SOX6: variants seen among roughly 807,000 people sequenced by gnomAD.
The protein encoded by SOX6 is SRY-box transcription factor 6.
In SOX6, 11 loss-of-function variants were observed where a neutral mutation model predicts 97.8. The ratio of observed to expected loss-of-function variants is 0.11; its 90% CI spans 0.07 to 0.19. The LOEUF is 0.19. SOX6 is among the 10% of genes least tolerant of loss of function. The pLI is 1.00. For synonymous variants in SOX6, 360 were observed against 371.4 expected (o/e 0.97, Z 0.35); for missense variants, 810 against 1,039.5 (o/e 0.78, Z 3.04).
intron 4 of SOX6, among the ~76,000 whole-genome samples, chr11:16,573,388 T>C (rs562116999): frequency 6.6e-6 from 1 of 152,324 alleles, no homozygotes; most frequent in Admixed American, 6.5e-5. Flanking sequence ...TGTTATGCAC[T>C]TAAGAAGGCC....
intron 3 of SOX6, among the ~76,000 whole-genome samples, chr11:16,699,225 C>T (rs956021179): frequency 5.9e-5 from 9 of 152,090 alleles, no homozygotes; most frequent in African/African-American, 2.2e-4. Flanking sequence ...TTTGTCTTCA[C>T]AATAGTCTTA....
chr11:16,309,089 A>C (rs1324236506), intron 3 of SOX6, among the ~76,000 whole-genome samples: 1 of 152,234 alleles, frequency 6.6e-6, no homozygotes, highest in Admixed American at 6.5e-5. Context: ...TTGCAGCAGC[A>C]ACTTCTTTGT....
intron 15 of SOX6, among the ~76,000 whole-genome samples, chr11:15,983,968 T>A (rs572184322): frequency 6.7e-4 from 102 of 152,304 alleles, no homozygotes; most frequent in African/African-American, 2.4e-3. Context: ...CATAGGGCTA[T>A]GAGGCATATT....
intron 1 of SOX6, 73 bp from the exon 2 acceptor site, chr11:16,341,325 T>C: frequency 6.3e-7 from 1 of 1,576,036 alleles, no homozygotes; most frequent in South Asian, 1.2e-5. Flanking sequence ...TGCATTTGGC[T>C]AGTTCAGGAA....
chr11:16,663,205 A>G (rs1432625527), intron 3 of SOX6, among the ~76,000 whole-genome samples: 2 of 152,240 alleles, frequency 1.3e-5, no homozygotes, highest in Non-Finnish European at 2.9e-5. Flanking sequence ...CACCAATTCT[A>G]TTCAATGTAG....
At position 16,556,860 on chromosome 11, in the gene SOX6, A is replaced by G. The variant is rs118185372; in HGVS notation, n.609+55221T>C. Among the ~76,000 whole-genome samples the G allele has an allele frequency of 7.7e-3, 1,163 of 151,924 alleles. 10 individuals are homozygous for G. Among genetic ancestry groups the G allele is most frequent in the Admixed American group, 0.015 (231 of 15,232 alleles). On this transcript the variant is annotated intron_variant and non_coding_transcript_variant, in intron 4 of 5. Coordinates refer to the SOX6 transcript ENST00000524520. The stretch of plus-strand genomic sequence containing the variant: ...AACGTAACGATTTATAGCCCAATTC[A>G]TAGGTCTTAGCTGATAATACCTCTG...
At chr11:16,122,888 T>C (rs186228541) in intron 6 of SOX6, among the ~76,000 whole-genome samples, 1 of 152,244 alleles carries the variant, frequency 6.6e-6, no homozygotes, top group Admixed American at 6.6e-5. Flanking sequence ...CAAAGTCCAT[T>C]CATCATTTAC....
rs562281562 is a variant in SOX6, at chr11:16,348,748, A to C, written c.-5+7346T>G. Among the ~76,000 whole-genome samples the C allele has an allele frequency of 7.8e-4, 119 of 152,226 alleles. 1 individual carries two copies. The South Asian group carries it at 0.024, about 31-fold the overall frequency. Reference sequence around the variant, plus strand: ...TTAGAGATGTCTTTCTAGCCTAGCAACCTTCCTGAAGGTTGAAAAGGACAG... The same window carrying C: ...TTAGAGATGTCTTTCTAGCCTAGCACCCTTCCTGAAGGTTGAAAAGGACAG... On this transcript the variant is annotated intron_variant, in intron 1 of 15. Coordinates refer to ENST00000683767, the MANE Select transcript of SOX6 (RefSeq NM_001367873.1).
chr11:16,014,852 A>C, intron 13 of SOX6, 90 bp downstream of exon 13: 1 of 1,229,628 alleles, frequency 8.1e-7, no homozygotes. Context: ...GATGACTCCT[A>C]TGAAAAACTA....
At chr11:16,445,426 G>A (rs149314903) in intron 1 of SOX6, among the ~76,000 whole-genome samples, 64 of 152,062 alleles carry the variant, frequency 4.2e-4, no homozygotes, top group African/African-American at 7.7e-4. Flanking sequence ...TTGCATATTC[G>A]TCCAACATGG....
intron 6 of SOX6, among the ~76,000 whole-genome samples, chr11:16,144,345 T>C (rs565163904): frequency 2.0e-4 from 31 of 152,200 alleles, no homozygotes; most frequent in East Asian, 7.8e-4. Context: ...GGGACACATT[T>C]AAAGCAGTGT....
At chr11:16,306,837 G>A (rs1855456364) in intron 3 of SOX6, among the ~76,000 whole-genome samples, 1 of 151,864 alleles carries the variant, frequency 6.6e-6, no homozygotes, top group Non-Finnish European at 1.5e-5. Flanking sequence ...TGTTGGTCAG[G>A]ATGGTCTCGA....
intron 12 of SOX6, among the ~76,000 whole-genome samples, chr11:16,029,462 C>T (rs995681247): frequency 6.6e-6 from 1 of 152,008 alleles, no homozygotes; most frequent in African/African-American, 2.4e-5. Context: ...ATGGTGAAAC[C>T]CCATCTCTAC....
upstream of SOX6, among the ~76,000 whole-genome samples, chr11:16,356,733 C>T (rs757734627): frequency 2.6e-5 from 4 of 152,010 alleles, no homozygotes; most frequent in African/African-American, 7.2e-5. Flanking sequence ...GTAAACAAAG[C>T]GCCATTCAGG....
chr11:16,363,416 T>C (rs1857259705), intron 1 of SOX6, among the ~76,000 whole-genome samples: 1 of 152,148 alleles, frequency 6.6e-6, no homozygotes. Flanking sequence ...AGAGGGATGT[T>C]CAATCCAATA....
chr11:16,438,078 A>C (rs536331096), intron 1 of SOX6, among the ~76,000 whole-genome samples: 1 of 152,284 alleles, frequency 6.6e-6, no homozygotes, highest in South Asian at 2.1e-4. Context: ...TTAATAAGGA[A>C]AGACAAATCA....
rs544768280 is a variant in SOX6, at chr11:16,401,576, A to G, written c.-4-60324T>C. On this transcript the variant is annotated intron_variant, in intron 1 of 15. Transcript: ENST00000396356. ...GCAGTGGTCTACCTCTAATTAGTCA[A>G]GTTGTCTTGGGCAAGTCATTTCAAC... 1.0e-3 allele frequency among the ~76,000 whole-genome samples: 158 copies of G among 151,614 alleles called. 1 individual carries two copies. The highest frequency in any genetic ancestry group is 7.5e-3 in the South Asian group (36 of 4,816).
Position 16,292,924 on chromosome 11 carries a change from A to C in SOX6, c.445+25522T>G, listed in dbSNP as rs1193305008. Among the ~76,000 whole-genome samples, 9 of 152,164 alleles carry C rather than the reference A, an allele frequency of 5.9e-5. No homozygotes were observed. In the South Asian group the frequency reaches 1.9e-3, roughly 31 times the overall value. On this transcript the variant is annotated intron_variant, in intron 3 of 15. Coordinates refer to ENST00000683767, the MANE Select transcript of SOX6 (RefSeq NM_001367873.1). Reference sequence around the variant, plus strand: ...AAACCAAAAGACAGATTAGCATTGAATCTAACAGATTGCACTAAAGTAAAT... The same window carrying C: ...AAACCAAAAGACAGATTAGCATTGACTCTAACAGATTGCACTAAAGTAAAT...
chr11:16,132,386 GAAAGAAAGAAAGAAAAAAGA>G (rs1849800136), intron 6 of SOX6, among the ~76,000 whole-genome samples: 1 of 79,482 alleles, frequency 1.3e-5, no homozygotes, highest in African/African-American at 5.7e-5. Context: ...AAGAAAGAAA[GAAAGAAAGAAAGAAAAAAGA>G]AAGAAAGAAA....
Sources: gnomAD v4.1 joint callset for allele counts (sites outside exome capture counted in the v4.1 genomes callset) on GRCh38, gnomAD v4.1.1 for gene constraint, MANE v1.5 for transcripts, NCBI Gene and HGNC (gene_info 2026-07-23, HGNC 2026-07-21) for gene names.